ENPP3: variants seen among roughly 807,000 people sequenced by gnomAD.
ENPP3 encodes ectonucleotide pyrophosphatase/phosphodiesterase family member 3.
In ENPP3, 104 loss-of-function variants were observed where a neutral mutation model predicts 117.8. The ratio of observed to expected loss-of-function variants is 0.88; its 90% CI spans 0.75 to 1.04. ENPP3 has a LOEUF of 1.04. ENPP3 is among the 50% of genes least tolerant of loss of function. ENPP3 has a pLI of 0.00. For synonymous variants in ENPP3, 380 were observed against 349.9 expected (o/e 1.09, Z -0.96); for missense variants, 1,026 against 1,051.9 (o/e 0.98, Z 0.34).
At chr6:131,679,009 C>CT (rs1778950174) in intron 11 of ENPP3, among the ~76,000 whole-genome samples, 3 of 86,174 alleles carry the variant, frequency 3.5e-5, no homozygotes, top group African/African-American at 1.5e-4. Context: ...TTGCTTCCTT[C>CT]CTTCCTTCCT....
intron 15 of ENPP3, among the ~76,000 whole-genome samples, chr6:131,695,039 G>C (rs1015696757): frequency 1.3e-5 from 2 of 151,802 alleles, no homozygotes; most frequent in African/African-American, 4.9e-5. Context: ...AGATGGTGCT[G>C]ACCCCTCTCT....
chr6:131,652,921 C>T (rs770962454), intron 5 of ENPP3, 30 bp downstream of exon 5: 6 of 1,476,584 alleles, frequency 4.1e-6, no homozygotes, highest in Non-Finnish European at 1.9e-6. Context: ...GGATTTTTAT[C>T]CTCCTTTAAC....
intron 5 of ENPP3, 123 bp from the exon 6 acceptor site, chr6:131,658,200 G>C: frequency 1.6e-6 from 1 of 631,216 alleles, no homozygotes. Context: ...GACAGTGTCT[G>C]GCTATGGCCC....
chr6:131,683,917 A>AT (rs1055555475), intron 12 of ENPP3, among the ~76,000 whole-genome samples: 2 of 151,584 alleles, frequency 1.3e-5, no homozygotes, highest in Non-Finnish European at 2.9e-5. Flanking sequence ...CGCCTGGCTA[A>AT]TTTTTTTGTA....
chr6:131,673,809 TACA>T (rs1216974698), intron 7 of ENPP3, among the ~76,000 whole-genome samples: 1 of 152,110 alleles, frequency 6.6e-6, no homozygotes, highest in East Asian at 1.9e-4. Flanking sequence ...CCCTAAACAA[TACA>T]ACAATGATTG....
Position 131,685,468 on chromosome 6 carries a change from C to T in ENPP3, c.1225C>T (p.His409Tyr), listed in dbSNP as rs905293723. 39 of 1,613,854 alleles carry T rather than the reference C, an allele frequency of 2.4e-5. No homozygotes were observed. Among genetic ancestry groups the T allele is most frequent in the Non-Finnish European group, 3.2e-5 (38 of 1,179,920 alleles). ...AGGGCCTGCCCCCCGCATCCGAGCT[C>T]ATAATATACCTCATGACTTTTTTAG... is the stretch of plus-strand genomic sequence containing the variant. The part of the protein sequence containing the change: ...YEGPAPRIRA[H>Y]NIPHDFFSFN... Residue 409 changes from histidine to tyrosine, a missense_variant, in exon 13 of 25, where the codon CAT becomes TAT. His to Tyr is a moderately conservative substitution (Grantham distance 83). Coordinates refer to ENST00000357639, the MANE Select transcript of ENPP3 (RefSeq NM_005021.5).
At chr6:131,718,846 C>T in intron 16 of ENPP3, 108 bp downstream of exon 16, 1 of 594,154 alleles carries the variant, frequency 1.7e-6, no homozygotes, top group Non-Finnish European at 3.0e-6. Context: ...GTTTGTCATA[C>T]AGATTATTTC....
intron 17 of ENPP3, among the ~76,000 whole-genome samples, chr6:131,720,776 TG>T (rs985562561): frequency 2.0e-5 from 3 of 151,902 alleles, no homozygotes; most frequent in Non-Finnish European, 2.9e-5. Flanking sequence ...GTAGAGATGG[TG>T]TTTCACCATG....
At chr6:131,637,969 CTTTTTTT>C (rs968631592) in intron 1 of ENPP3, among the ~76,000 whole-genome samples, 3 of 138,522 alleles carry the variant, frequency 2.2e-5, no homozygotes, top group African/African-American at 8.0e-5. Context: ...TTTCTTTTTT[CTTTTTTT>C]TAATTTTAAA....
intron 9 of ENPP3, among the ~76,000 whole-genome samples, chr6:131,676,236 T>G (rs1778865361): frequency 7.0e-6 from 1 of 143,880 alleles, no homozygotes; most frequent in South Asian, 2.2e-4. Flanking sequence ...TTCATCTCAG[T>G]TACTCTGCTC....
intron 15 of ENPP3, among the ~76,000 whole-genome samples, chr6:131,706,250 G>T (rs1779636264): frequency 7.5e-6 from 1 of 134,096 alleles, no homozygotes; most frequent in African/African-American, 3.4e-5. Context: ...GCGTTTTCTT[G>T]AACTCCTGAC....
intron 6 of ENPP3, among the ~76,000 whole-genome samples, chr6:131,659,199 G>C (rs1335457610): frequency 6.6e-6 from 1 of 152,148 alleles, no homozygotes; most frequent in Non-Finnish European, 1.5e-5. Context: ...TGTAATCCTA[G>C]CACTTTGGGA....
chr6:131,682,811 T>C (rs149403953), intron 11 of ENPP3, among the ~76,000 whole-genome samples: 1 of 152,346 alleles, frequency 6.6e-6, no homozygotes, highest in East Asian at 1.9e-4. Context: ...GTTTCATGTA[T>C]TTATTGGCCA....
rs147261077 is a variant in ENPP3, at chr6:131,719,933, GAA to G, written c.1480-356_1480-355del. Among the ~76,000 whole-genome samples the G allele has an allele frequency of 5.8e-3, 884 of 152,186 alleles. 7 individuals carry two copies. The highest frequency in any genetic ancestry group is 0.02 in the African/African-American group (846 of 41,540). On this transcript the variant is annotated intron_variant, in intron 16 of 24. Transcript: ENST00000357639. Reference sequence around the variant, plus strand: ...TTTGATTAATGATATGAAACAATATGAAAAGATAATATGATGTTATATGATTA... The same window carrying G: ...TTTGATTAATGATATGAAACAATATGAAGATAATATGATGTTATATGATTA...
At chr6:131,718,426 C>T (rs1355273893) in intron 15 of ENPP3, among the ~76,000 whole-genome samples, 4 of 151,856 alleles carry the variant, frequency 2.6e-5, no homozygotes, top group East Asian at 1.9e-4. Context: ...CTGGAATTTT[C>T]CTTTCTTCTC....
At chr6:131,638,439 T>C (rs899753372) in intron 1 of ENPP3, 1 of 438,342 alleles carries the variant, frequency 2.3e-6, no homozygotes, top group African/African-American at 2.1e-5. Context: ...TTTAATTTTA[T>C]TTTTGAGACA....
intron 15 of ENPP3, among the ~76,000 whole-genome samples, chr6:131,705,601 AT>A (rs1191999029): frequency 1.5e-5 from 2 of 135,456 alleles, no homozygotes; most frequent in Non-Finnish European, 3.1e-5. Context: ...GGACTGTTCT[AT>A]TTTTTCCATT....
chr6:131,702,260 A>T (rs1329174240), intron 15 of ENPP3, among the ~76,000 whole-genome samples: 1 of 151,598 alleles, frequency 6.6e-6, no homozygotes, highest in Non-Finnish European at 1.5e-5. Context: ...GGTTTAATTA[A>T]GGGCGGGCTA....
intron 3 of ENPP3, 129 bp from the exon 4 acceptor site, chr6:131,652,413 T>C: frequency 1.0e-6 from 1 of 983,140 alleles, no homozygotes; most frequent in Non-Finnish European, 1.5e-6. Context: ...GTATTATGTA[T>C]TTTCATTTAT....
Sources: allele counts gnomAD v4.1 joint callset (sites outside exome capture counted in the v4.1 genomes callset), GRCh38; gene constraint gnomAD v4.1.1; transcripts MANE v1.5; gene names NCBI Gene and HGNC (gene_info 2026-07-23, HGNC 2026-07-21).